ASB15: variants seen among roughly 807,000 people sequenced by gnomAD.
ASB15 encodes ankyrin repeat and SOCS box protein 15.
ASB15 carries 54 observed loss-of-function variants against 58.0 expected under a neutral mutation model. The ratio of observed to expected loss-of-function variants is 0.93; its 90% CI spans 0.75 to 1.17. The LOEUF (loss-of-function observed/expected upper bound fraction) is 1.17. Among genes scored for constraint, ASB15 ranks in the 50% most tolerant of loss-of-function variants. The probability of loss-of-function intolerance (pLI) is 0.00; values close to 1 mark genes in which losing one functional copy is unlikely to be tolerated. For missense variants in ASB15, 680 were observed against 707.4 expected (o/e 0.96, Z 0.44); for synonymous variants, 249 against 262.4 (o/e 0.95, Z 0.50).
chr7:123,601,340 A>C (rs142506669), upstream of ASB15, among the ~76,000 whole-genome samples: 1 of 152,294 alleles, frequency 6.6e-6, no homozygotes, highest in Non-Finnish European at 1.5e-5. Flanking sequence ...GATGTCACTG[A>C]CTGCCCTATC....
chr7:123,569,190 G>A (rs1584715208), intron 1 of ASB15, among the ~76,000 whole-genome samples: 2 of 152,042 alleles, frequency 1.3e-5, no homozygotes, highest in South Asian at 2.1e-4. Flanking sequence ...CATTTTGTCC[G>A]GTGGTCATGC....
chr7:123,631,825 T>A lies in ASB15; in HGVS notation c.1594+1706T>A, dbSNP rs143649714. Among the ~76,000 whole-genome samples the A allele has an allele frequency of 5.5e-3, 840 of 152,250 alleles. 7 individuals are homozygous for A. The highest frequency in any genetic ancestry group is 0.018 in the African/African-American group (766 of 41,536). On this transcript the variant is annotated intron_variant, in intron 11 of 11. Coordinates refer to ENST00000451215, the MANE Select transcript of ASB15 (RefSeq NM_001290258.2). ...AGGGCGCGGTGGCTCACACCTGTAA[T>A]CTCAGCACTTTGGGAGGCCGAGGCG...
chr7:123,636,809 A>G lies in ASB15; in HGVS notation c.1595A>G (p.Glu532Gly). ...TGCTTATTTTCCCGATTTCTTTTAG[A>G]GAATCCTTGTTCATTGAAGCATTTG... is the stretch of plus-strand genomic sequence containing the variant. ...REWPEIRQIL[E>G]NPCSLKHLCR... The change falls in exon 12 of 12, where the codon GAG becomes GGG. Residue 532 changes from glutamate (E) to glycine (G), a missense_variant and splice_region_variant. Glu to Gly is a moderately conservative substitution (Grantham distance 98). Coordinates refer to ENST00000451215, the MANE Select transcript of ASB15 (RefSeq NM_001290258.2). The G allele has an allele frequency of 6.3e-7, 1 of 1,597,714 alleles. No homozygotes were observed. Among genetic ancestry groups the G allele is most frequent in the Non-Finnish European group, 8.5e-7 (1 of 1,174,918 alleles).
At chr7:123,589,524 T>C (rs1214379561) in intron 1 of ASB15, among the ~76,000 whole-genome samples, 1 of 151,998 alleles carries the variant, frequency 6.6e-6, no homozygotes, top group Non-Finnish European at 1.5e-5. Flanking sequence ...TCTCTGTCCC[T>C]GTGTTCTCAT....
rs765905145 is a variant in ASB15 at position 123,627,121 on chromosome 7, C to T, written c.709C>T (p.Leu237Phe). 90 of 1,612,748 alleles carry T rather than the reference C, an allele frequency of 5.6e-5. No homozygotes were observed. The highest frequency in any genetic ancestry group is 7.5e-5 in the Non-Finnish European group (89 of 1,179,266). ...TTTTATACTGCCAGGTGGTGATGTG[C>T]TTGCTTTGGCGGATGATGGGGCGTC... The part of the protein sequence containing the change: ...EHLIHKGGDV[L>F]ALADDGASVL... Residue 237 changes from leucine (L) to phenylalanine (F), a missense_variant, in exon 9 of 12, where the codon CTT becomes TTT. Leu to Phe is a conservative substitution (Grantham distance 22). Transcript: ENST00000451215.
At chr7:123,568,841 T>A (rs1357321660) in intron 1 of ASB15, among the ~76,000 whole-genome samples, 6 of 152,060 alleles carry the variant, frequency 3.9e-5, no homozygotes, top group Non-Finnish European at 7.4e-5. Flanking sequence ...AGATATAGAA[T>A]GAGAAAATTA....
chr7:123,572,871 T>G (rs1273958398), intron 1 of ASB15, among the ~76,000 whole-genome samples: 1 of 152,160 alleles, frequency 6.6e-6, no homozygotes, highest in Non-Finnish European at 1.5e-5. Context: ...TTCTATACCC[T>G]TATTTTATGC....
At chr7:123,603,291 A>T (rs932182979) in intron 1 of ASB15, among the ~76,000 whole-genome samples, 1 of 152,200 alleles carries the variant, frequency 6.6e-6, no homozygotes, top group African/African-American at 2.4e-5. Context: ...TTGCATGGAC[A>T]AATAGGATAG....
At position 123,627,139 on chromosome 7, in the gene ASB15, G is replaced by A. The variant is rs1359226715; in HGVS notation, c.727G>A (p.Gly243Arg). The A allele has an allele frequency of 1.2e-6, 2 of 1,613,744 alleles. No homozygotes were observed. The highest frequency in any genetic ancestry group is 3.3e-5 in the Admixed American group (2 of 59,974). The stretch of plus-strand genomic sequence containing the variant: ...TGATGTGCTTGCTTTGGCGGATGAT[G>A]GGGCGTCGGTGCTGTTTGAGGCAGC... ...GGDVLALADD[G>R]ASVLFEAAGG... Residue 243 changes from glycine (G) to arginine (R), a missense_variant, in exon 9 of 12, where the codon GGG (glycine) becomes AGG (arginine). Physicochemically the swap from Gly to Arg is moderately radical, Grantham distance 125 (BLOSUM62 -2). Transcript: ENST00000451215.
At chr7:123,618,217 C>A (rs1395787080) in intron 7 of ASB15, among the ~76,000 whole-genome samples, 1 of 152,148 alleles carries the variant, frequency 6.6e-6, no homozygotes, top group Non-Finnish European at 1.5e-5. Context: ...TACACTGTGA[C>A]ACGAGGGAAG....
chr7:123,589,205 T>C (rs1174094387), intron 1 of ASB15, among the ~76,000 whole-genome samples: 1 of 151,824 alleles, frequency 6.6e-6, no homozygotes, highest in Non-Finnish European at 1.5e-5. Flanking sequence ...CCTTACTATG[T>C]TTAGGTGCTC....
chr7:123,580,851 C>A (rs1436592605), intron 1 of ASB15, among the ~76,000 whole-genome samples: 1 of 151,958 alleles, frequency 6.6e-6, no homozygotes, highest in Non-Finnish European at 1.5e-5. Flanking sequence ...TATTATACCG[C>A]AAACCACTAA....
intron 8 of ASB15, chr7:123,625,096 T>C: frequency 2.7e-6 from 1 of 364,950 alleles, no homozygotes; most frequent in South Asian, 4.2e-5. Context: ...CAGGGCCTCA[T>C]GCTCATCTTC....
chr7:123,588,879 A>AT (rs917638026), intron 1 of ASB15, among the ~76,000 whole-genome samples: 8 of 149,026 alleles, frequency 5.4e-5, no homozygotes, highest in East Asian at 2.0e-4. Context: ...TAATTTTCCC[A>AT]TTTTTTTTCT....
At chr7:123,574,960 T>C (rs1020898525) in intron 1 of ASB15, among the ~76,000 whole-genome samples, 21 of 151,984 alleles carry the variant, frequency 1.4e-4, no homozygotes, top group African/African-American at 4.8e-4. Flanking sequence ...GAGAAAAATA[T>C]GGAGACAGAT....
chr7:123,623,936 AAAGAAAGAAAGAAAGAAAG>A (rs1801551762), intron 7 of ASB15, among the ~76,000 whole-genome samples: 1 of 20,932 alleles, frequency 4.8e-5, no homozygotes, highest in Non-Finnish European at 8.3e-5. Flanking sequence ...GAAAGAAAAG[AAAGAAAGAAAGAAAGAAAG>A]AAAGAAAGAA....
intron 1 of ASB15, among the ~76,000 whole-genome samples, chr7:123,581,068 C>T (rs1235345414): frequency 6.6e-6 from 1 of 151,892 alleles, no homozygotes; most frequent in Non-Finnish European, 1.5e-5. Context: ...GAACTGTCTT[C>T]CACTTAAAAA....
chr7:123,573,528 GA>G (rs1039794907), intron 1 of ASB15, among the ~76,000 whole-genome samples: 28 of 152,014 alleles, frequency 1.8e-4, no homozygotes, highest in African/African-American at 6.0e-4. Flanking sequence ...GCTGATCTGT[GA>G]GGGCTTTCTC....
chr7:123,637,877 C>CAAAAAAAAAAAAAAAAAAAAAAAAA lies in ASB15; in HGVS notation c.*896_*897insAAAAAAAAAAAAAAAAAAAAAAAAA, dbSNP rs1459949582. Reference sequence around the variant, plus strand: ...CAAATTCAACATGTCCCCAGATGAACTAAAAAAAAAAAAAAAAAAAAAACC... The same window carrying CAAAAAAAAAAAAAAAAAAAAAAAAA: ...CAAATTCAACATGTCCCCAGATGAACAAAAAAAAAAAAAAAAAAAAAAAAATAAAAAAAAAAAAAAAAAAAAAACC... On this transcript the variant is annotated 3_prime_UTR_variant, in exon 12 of 12. Transcript: ENST00000451215. 2 of 19,122 alleles carry CAAAAAAAAAAAAAAAAAAAAAAAAA rather than the reference C, an allele frequency of 1.0e-4. No individual in the cohort carries two copies. The highest frequency in any genetic ancestry group is 1.8e-4 in the Non-Finnish European group (2 of 10,832). The allele number at this position is 19,122 out of a possible 1,614,324, so 1.2% of individuals were successfully genotyped here. A position where few individuals can be genotyped will look rare whatever the true frequency, so the allele number is the denominator to read the frequency against.
Sources: gnomAD v4.1 joint callset for allele counts (sites outside exome capture counted in the v4.1 genomes callset) on GRCh38, gnomAD v4.1.1 for gene constraint, MANE v1.5 for transcripts, NCBI Gene and HGNC (gene_info 2026-07-23, HGNC 2026-07-21) for gene names.